ALG6: variants seen among roughly 807,000 people sequenced by gnomAD.
The protein encoded by ALG6 is ALG6 alpha-1,3-glucosyltransferase.
Under a neutral mutation model 66.6 loss-of-function variants are expected in ALG6, and 46 were observed. That is an observed-to-expected ratio of 0.69 (90% CI 0.55 to 0.88). The LOEUF is 0.88. Ranked by LOEUF, ALG6 falls within the 40% of genes least tolerant of loss-of-function variation. The pLI is 0.00. For synonymous variants in ALG6, 185 were observed against 203.7 expected, an observed-to-expected ratio of 0.91 and a Z score of 0.78; for missense variants, 505 against 586.8, an observed-to-expected ratio of 0.86 and a Z score of 1.44.
chr1:63,377,331 C>T (rs544838775), intron 2 of ALG6, among the ~76,000 whole-genome samples: 112 of 152,256 alleles, frequency 7.4e-4, no homozygotes, highest in African/African-American at 2.6e-3. Flanking sequence ...TTTGTTTCCT[C>T]TAAAATTAAT....
At position 63,381,326 on chromosome 1, in the gene ALG6, C is replaced by T. The variant is rs563252695; in HGVS notation, c.82+10267C>T. On this transcript the variant is annotated intron_variant, in intron 2 of 14. Transcript: ENST00000263440. ...AAAATTAGCTGTGCGTGGTGGCGGG[C>T]GCCTGTAGTCCCAGCTACTAGGGAG... is the stretch of plus-strand genomic sequence containing the variant. Among the ~76,000 whole-genome samples the T allele has an allele frequency of 3.3e-3, 508 of 152,148 alleles. 2 individuals carry two copies. Among genetic ancestry groups the T allele is most frequent in the African/African-American group, 0.011 (471 of 41,488 alleles).
chr1:63,373,293 C>T lies in ALG6; in HGVS notation c.82+2234C>T, dbSNP rs550516542. Reference sequence around the variant, plus strand: ...AAGTGCTGGGATTACAGGTGTGAGCCACTATGTCCAGTCAATATTTTAACC... The same window carrying T: ...AAGTGCTGGGATTACAGGTGTGAGCTACTATGTCCAGTCAATATTTTAACC... On this transcript the variant is annotated intron_variant, in intron 2 of 14. Transcript: ENST00000263440. 3.6e-4 allele frequency among the ~76,000 whole-genome samples: 54 copies of T among 151,614 alleles called. 1 individual carries two copies. The South Asian group carries it at 0.011, about 32-fold the overall frequency.
intron 2 of ALG6, among the ~76,000 whole-genome samples, chr1:63,376,837 T>G (rs768204788): frequency 1.3e-5 from 2 of 152,204 alleles, no homozygotes; most frequent in Non-Finnish European, 2.9e-5. Flanking sequence ...TTTGATACAA[T>G]CGTTTTTTAT....
chr1:63,387,896 A>G (rs1648553467), intron 2 of ALG6, among the ~76,000 whole-genome samples: 1 of 151,802 alleles, frequency 6.6e-6, no homozygotes, highest in South Asian at 2.1e-4. Context: ...TGATGTAAGT[A>G]TGGCTACTCC....
At position 63,433,667 on chromosome 1, in the gene ALG6, A is replaced by G. The variant is rs1295111998; in HGVS notation, c.1327-3156A>G. ...CAGTAATCTTAAGGTGAGGACCGCT[A>G]TGGGCTCCCAGATTTATTTGTTCTT... On this transcript the variant is annotated intron_variant, in intron 14 of 14. Coordinates refer to ENST00000263440, the MANE Select transcript of ALG6 (RefSeq NM_013339.4). This position sits in a 1 kb window ranked among gnomAD's most constrained non-coding sequence, Gnocchi z 4.2. Among the ~76,000 whole-genome samples the G allele has an allele frequency of 6.6e-6, 1 of 152,214 alleles. No homozygotes were observed. Among genetic ancestry groups the G allele is most frequent in the Non-Finnish European group, 1.5e-5 (1 of 68,038 alleles).
At chr1:63,373,700 G>A (rs1197082591) in intron 2 of ALG6, among the ~76,000 whole-genome samples, 2 of 106,660 alleles carry the variant, frequency 1.9e-5, no homozygotes, top group Non-Finnish European at 3.6e-5. Context: ...TCCCCCTGTT[G>A]CCCAGGCTGG....
intron 2 of ALG6, among the ~76,000 whole-genome samples, chr1:63,395,118 C>T (rs779267946): frequency 7.9e-5 from 12 of 152,078 alleles, no homozygotes; most frequent in Non-Finnish European, 1.8e-4. Flanking sequence ...CTCACCTCGG[C>T]CTCCCAAAGT....
At position 63,411,972 on chromosome 1, in the gene ALG6, G is replaced by A. The variant is rs367674567; in HGVS notation, c.727G>A (p.Val243Ile). 1.8e-5 allele frequency: 29 copies of A among 1,613,844 alleles called. No homozygotes were observed. Among genetic ancestry groups the A allele is most frequent in the Admixed American group, 1.7e-5 (1 of 59,968 alleles). The change falls in exon 9 of 15, where the codon GTT becomes ATT. Residue 243 changes from valine to isoleucine, a missense_variant. Transcript: ENST00000263440. ...KLACIVVASFVLCWLPFFTER... is the reference protein window; with the variant it reads ...KLACIVVASFILCWLPFFTER... ...AGCTTGTATTGTTGTGGCTTCCTTC[G>A]TTCTCTGCTGGCTGCCATTCTTTAC...
chr1:63,375,503 G>A (rs866282158), intron 2 of ALG6, among the ~76,000 whole-genome samples: 3 of 140,460 alleles, frequency 2.1e-5, no homozygotes, highest in South Asian at 4.8e-4. Flanking sequence ...TAGGTGATCC[G>A]CCCTCCTTGG....
chr1:63,412,096 T>C (rs1644519424), intron 9 of ALG6, 35 bp downstream of exon 9: 1 of 1,613,552 alleles, frequency 6.2e-7, no homozygotes, highest in South Asian at 1.1e-5. Flanking sequence ...TTTCTGTTAC[T>C]GTACCTTACC....
intron 12 of ALG6, among the ~76,000 whole-genome samples, chr1:63,425,995 G>A (rs1231175827): frequency 7.9e-5 from 12 of 152,128 alleles, no homozygotes; most frequent in African/African-American, 1.9e-4. Context: ...AAGTATGACC[G>A]TAAGGGACAG....
chr1:63,387,847 G>A (rs980561881), intron 2 of ALG6, among the ~76,000 whole-genome samples: 8 of 151,696 alleles, frequency 5.3e-5, no homozygotes, highest in Admixed American at 3.3e-4. Context: ...CAGCTTCTTT[G>A]TCTCTTTTTA....
At chr1:63,396,126 A>G (rs1013636410) in intron 2 of ALG6, among the ~76,000 whole-genome samples, 3 of 152,178 alleles carry the variant, frequency 2.0e-5, no homozygotes, top group Non-Finnish European at 2.9e-5. Flanking sequence ...GGGGGGTCCT[A>G]GAATGAATCC....
chr1:63,437,133 G>A lies in ALG6; in HGVS notation c.*113G>A. 2.1e-6 allele frequency: 2 copies of A among 932,448 alleles called. No homozygotes were observed. Among genetic ancestry groups the A allele is most frequent in the Non-Finnish European group, 1.6e-6 (1 of 610,482 alleles). The allele number at this position is 932,448 out of a possible 1,614,324, so 57.8% of individuals were successfully genotyped here. A position where few individuals can be genotyped will look rare whatever the true frequency, so the allele number is the denominator to read the frequency against. Reference sequence around the variant, plus strand: ...TGAAATTACCATTTTGAGAACCATGGAACCACAGGAAAGGAAATGGTGAAA... The same window carrying A: ...TGAAATTACCATTTTGAGAACCATGAAACCACAGGAAAGGAAATGGTGAAA... On this transcript the variant is annotated 3_prime_UTR_variant, in exon 15 of 15. Coordinates refer to ENST00000263440, the MANE Select transcript of ALG6 (RefSeq NM_013339.4).
intron 2 of ALG6, among the ~76,000 whole-genome samples, chr1:63,371,861 C>T (rs1400398614): frequency 6.6e-6 from 1 of 152,164 alleles, no homozygotes; most frequent in Non-Finnish European, 1.5e-5. Context: ...CCTCGGCCTC[C>T]CAAAGTGCTG....
intron 12 of ALG6, among the ~76,000 whole-genome samples, chr1:63,422,143 A>T (rs1361380270): frequency 1.3e-4 from 7 of 51,900 alleles, no homozygotes; most frequent in African/African-American, 5.4e-4. Context: ...ATATAAATAT[A>T]TATAAATATA....
At chr1:63,399,916 G>A (rs1026521122) in intron 3 of ALG6, among the ~76,000 whole-genome samples, 3 of 151,670 alleles carry the variant, frequency 2.0e-5, no homozygotes, top group African/African-American at 7.3e-5. Context: ...CTAAAGTAAG[G>A]CCGGGCGCAG....
At chr1:63,371,855 G>A (rs1029134536) in intron 2 of ALG6, among the ~76,000 whole-genome samples, 20 of 151,804 alleles carry the variant, frequency 1.3e-4, no homozygotes, top group African/African-American at 4.1e-4. Context: ...CACTTGCCTC[G>A]GCCTCCCAAA....
intron 3 of ALG6, among the ~76,000 whole-genome samples, chr1:63,399,811 TACTA>T (rs1170894578): frequency 6.6e-6 from 1 of 152,130 alleles, no homozygotes; most frequent in Non-Finnish European, 1.5e-5. Flanking sequence ...TTTTTTTACT[TACTA>T]AACATCTACT....
Sources: allele counts gnomAD v4.1 joint callset (sites outside exome capture counted in the v4.1 genomes callset), GRCh38; gene constraint gnomAD v4.1.1; non-coding constraint Gnocchi (gnomAD v3.1); transcripts MANE v1.5; gene names NCBI Gene and HGNC (gene_info 2026-07-23, HGNC 2026-07-21).